SPINK8: variants seen among roughly 807,000 people sequenced by gnomAD.
SPINK8 encodes serine protease inhibitor Kazal-type 8.
SPINK8 carries 12 observed loss-of-function variants against 14.4 expected under a neutral mutation model. That is an observed-to-expected ratio of 0.83 (90% confidence interval 0.53 to 1.35). The LOEUF (loss-of-function observed/expected upper bound fraction) is 1.35, where lower values mean the gene tolerates loss of function less well. SPINK8 is among the 40% of genes most tolerant of loss of function. SPINK8 has a pLI of 0.00. For missense variants in SPINK8, 103 were observed against 117.0 expected (o/e 0.88, Z 0.55); for synonymous variants, 32 against 37.6 (o/e 0.85, Z 0.55).
chr3:48,333,167 G>A (rs971023621), intron 1 of SPINK8, among the ~76,000 whole-genome samples: 6 of 152,108 alleles, frequency 3.9e-5, no homozygotes, highest in South Asian at 2.1e-4. Flanking sequence ...ATGGCACTTC[G>A]CTCCATTTGC....
chr3:48,325,337 G>C (rs2036124023), intron 4 of SPINK8, among the ~76,000 whole-genome samples: 1 of 150,376 alleles, frequency 6.6e-6, no homozygotes, highest in Non-Finnish European at 1.5e-5. Flanking sequence ...TTTACTTTTT[G>C]TTTTGTGTAT....
In SPINK8 at chr3:48,309,961, A is replaced by G; in HGVS notation, c.240-15T>C. ...GCCCTTCAAATCTGAAAGAAATTAT[A>G]TTTTAAAATTATTTTTGCTGTATGG... On this transcript the variant is annotated splice_polypyrimidine_tract_variant and intron_variant, in intron 6 of 7. Coordinates refer to ENST00000434006, the MANE Select transcript of SPINK8 (RefSeq NM_001080525.3). 7.1e-7 allele frequency: 1 copy of G among 1,410,396 alleles called. No homozygotes were observed. The highest frequency in any genetic ancestry group is 1.5e-5 in the African/African-American group (1 of 66,372). The allele number at this position is 1,410,396 out of a possible 1,614,324, so 87.4% of individuals were successfully genotyped here.
chr3:48,307,524 C>T (rs2035865105), intron 7 of SPINK8, among the ~76,000 whole-genome samples: 2 of 142,358 alleles, frequency 1.4e-5, no homozygotes, highest in South Asian at 2.4e-4. Context: ...CTCTCTCTCC[C>T]TCCCTATCTG....
intron 4 of SPINK8, 53 bp downstream of exon 4, chr3:48,328,222 T>C: frequency 1.4e-6 from 2 of 1,446,162 alleles, no homozygotes; most frequent in South Asian, 2.5e-5. Context: ...AATCTTCCCA[T>C]GATTCTAGAT....
intron 4 of SPINK8, among the ~76,000 whole-genome samples, chr3:48,321,590 TACCAGATTTTTAAAAAATGCTTTG>T: frequency 6.6e-6 from 1 of 151,858 alleles, no homozygotes; most frequent in East Asian, 1.9e-4. Flanking sequence ...CATAGAATTT[TACCAGATTTTTAAAAAATGCTTTG>T]ACCTGCCTGG....
At chr3:48,315,297 G>C (rs900007129) in intron 6 of SPINK8, among the ~76,000 whole-genome samples, 2 of 152,160 alleles carry the variant, frequency 1.3e-5, no homozygotes, top group African/African-American at 4.8e-5. Context: ...CAACAAAATA[G>C]TCATGGCACG....
At chr3:48,319,362 G>T in intron 6 of SPINK8, 135 bp downstream of exon 6, 1 of 1,030,126 alleles carries the variant, frequency 9.7e-7, no homozygotes, top group Non-Finnish European at 1.4e-6. Context: ...AAGAAAGGGA[G>T]GAACAAATAC....
chr3:48,307,646 G>A (rs2035867998), intron 7 of SPINK8, among the ~76,000 whole-genome samples: 2 of 147,390 alleles, frequency 1.4e-5, no homozygotes, highest in South Asian at 4.3e-4. Flanking sequence ...TCATCATTAT[G>A]GTTGGCTCTT....
At chr3:48,331,003 G>A (rs2036249244) in intron 2 of SPINK8, among the ~76,000 whole-genome samples, 1 of 151,948 alleles carries the variant, frequency 6.6e-6, no homozygotes, top group African/African-American at 2.4e-5. Flanking sequence ...ATCACAGCAT[G>A]GGCTAGCAGG....
At position 48,319,991 on chromosome 3, in the gene SPINK8, G is replaced by A. The variant is rs527743631; in HGVS notation, c.118-373C>T. ...TAAAAATACAAAAAATTAGCCGGGCGTGGTGGTGGGCGCCTGTAGTCCCAG... is the reference window on the plus strand; with the variant it reads ...TAAAAATACAAAAAATTAGCCGGGCATGGTGGTGGGCGCCTGTAGTCCCAG... On this transcript the variant is annotated intron_variant, in intron 5 of 7. Coordinates refer to ENST00000434006, the MANE Select transcript of SPINK8 (RefSeq NM_001080525.3). Among the ~76,000 whole-genome samples, 152 of 151,958 alleles carry A rather than the reference G, an allele frequency of 1.0e-3. 2 individuals carry two copies. Among genetic ancestry groups the A allele is most frequent in the South Asian group, 6.9e-3 (33 of 4,806 alleles).
intron 6 of SPINK8, among the ~76,000 whole-genome samples, chr3:48,316,882 T>C (rs1322934059): frequency 1.3e-5 from 2 of 152,200 alleles, no homozygotes; most frequent in Non-Finnish European, 2.9e-5. Flanking sequence ...TTAAGATATG[T>C]CTAGATAAAG....
chr3:48,331,608 A>G (rs1265558069), intron 2 of SPINK8, among the ~76,000 whole-genome samples: 1 of 152,148 alleles, frequency 6.6e-6, no homozygotes, highest in Non-Finnish European at 1.5e-5. Flanking sequence ...CTGTATAGAT[A>G]TTTACCTTTT....
At chr3:48,309,175 G>C (rs532958220) in intron 7 of SPINK8, among the ~76,000 whole-genome samples, 4 of 152,230 alleles carry the variant, frequency 2.6e-5, no homozygotes, top group African/African-American at 4.8e-5. Flanking sequence ...CAATTGTCCT[G>C]TTTTACCTGC....
chr3:48,311,420 G>A (rs760750440), intron 6 of SPINK8, among the ~76,000 whole-genome samples: 13 of 151,890 alleles, frequency 8.6e-5, no homozygotes, highest in Non-Finnish European at 1.6e-4. Context: ...GAAATAAAAG[G>A]CATCCAAATT....
chr3:48,310,938 G>A (rs1235170125), intron 6 of SPINK8, among the ~76,000 whole-genome samples: 1 of 152,086 alleles, frequency 6.6e-6, no homozygotes, highest in African/African-American at 2.4e-5. Flanking sequence ...ATCACATAAA[G>A]GAAAACTATA....
chr3:48,323,712 C>A (rs1308900190), intron 4 of SPINK8, among the ~76,000 whole-genome samples: 1 of 152,200 alleles, frequency 6.6e-6, no homozygotes, highest in African/African-American at 2.4e-5. Context: ...TTATTGTCCA[C>A]TGAATTGTCT....
intron 4 of SPINK8, among the ~76,000 whole-genome samples, chr3:48,325,023 C>T (rs948178087): frequency 1.3e-5 from 2 of 152,062 alleles, no homozygotes; most frequent in Non-Finnish European, 1.5e-5. Context: ...ATAGACTGAC[C>T]CTTTATCATA....
In SPINK8 at chr3:48,321,249, C is replaced by T. The variant is rs531679862; in HGVS notation, c.68-175G>A. Among the ~76,000 whole-genome samples, 18 of 152,300 alleles carry T rather than the reference C, an allele frequency of 1.2e-4. No homozygotes were observed. In the South Asian group the frequency reaches 2.9e-3, roughly 25 times the overall value. On this transcript the variant is annotated intron_variant, in intron 4 of 7. Transcript: ENST00000434006. ...TAAAGGAGCAAAGAATCAGGAAATACGTGCCTTTACCTTCTTGTAAAATGG... is the reference window on the plus strand; with the variant it reads ...TAAAGGAGCAAAGAATCAGGAAATATGTGCCTTTACCTTCTTGTAAAATGG...
Position 48,307,541 on chromosome 3 carries a change from ACC to A in SPINK8, c.283-540_283-539del, listed in dbSNP as rs1311820274. On this transcript the variant is annotated intron_variant, in intron 7 of 7. Transcript: ENST00000434006. ...CTCTCTCCCTCCCTATCTGCCCCCC[ACC>A]CCCCCACCTCTTCTGGAATTATTAG... 8.7e-3 allele frequency among the ~76,000 whole-genome samples: 368 copies of A among 42,452 alleles called. 4 individuals carry two copies. The highest frequency in any genetic ancestry group is 0.033 in the African/African-American group (352 of 10,718). 27.9% of individuals were successfully genotyped at this position (42,452 alleles called of 152,430 possible).
Sources: gnomAD v4.1 joint callset for allele counts (sites outside exome capture counted in the v4.1 genomes callset) on GRCh38, gnomAD v4.1.1 for gene constraint, MANE v1.5 for transcripts, NCBI Gene and HGNC (gene_info 2026-07-23, HGNC 2026-07-21) for gene names.